Variants in POU6F2 observed in about 807,000 individuals in gnomAD.
POU6F2 encodes POU domain, class 6, transcription factor 2.
POU6F2 carries 31 observed loss-of-function variants against 71.3 expected under a neutral mutation model. That is an observed-to-expected ratio of 0.43 (90% CI 0.33 to 0.59). The LOEUF (loss-of-function observed/expected upper bound fraction) is 0.59, where lower values mean the gene tolerates loss of function less well. POU6F2 is among the 20% of genes least tolerant of loss of function. The probability of loss-of-function intolerance (pLI) is 0.04; values close to 1 mark genes in which losing one functional copy is unlikely to be tolerated. For missense variants in POU6F2, 783 were observed against 856.8 expected, an observed-to-expected ratio of 0.91 and a Z score of 1.07; for synonymous variants, 347 against 355.7, an observed-to-expected ratio of 0.98 and a Z score of 0.27.
chr7:39,432,648 C>G (rs1008280776), intron 6 of POU6F2, among the ~76,000 whole-genome samples: 2 of 151,848 alleles, frequency 1.3e-5, no homozygotes, highest in Non-Finnish European at 2.9e-5. Flanking sequence ...GAAAGAATGT[C>G]AAAGGATCCC....
intron 7 of POU6F2, among the ~76,000 whole-genome samples, chr7:39,443,240 T>G (rs1788446859): frequency 6.6e-6 from 1 of 152,208 alleles, no homozygotes; most frequent in Non-Finnish European, 1.5e-5. Context: ...TTCTTGGGGA[T>G]GTACCTTGCA....
At chr7:39,159,144 C>G (rs1792934590) in intron 2 of POU6F2, among the ~76,000 whole-genome samples, 1 of 152,028 alleles carries the variant, frequency 6.6e-6, no homozygotes, top group African/African-American at 2.4e-5. Flanking sequence ...TGCCACTTCA[C>G]TCCAGCCTAG....
intron 2 of POU6F2, among the ~76,000 whole-genome samples, chr7:39,180,771 G>A (rs1366641485): frequency 6.6e-6 from 1 of 152,052 alleles, no homozygotes; most frequent in African/African-American, 2.4e-5. Flanking sequence ...TTTTTGCACT[G>A]GGCCCCATTA....
chr7:39,196,044 G>A (rs1471142764), intron 2 of POU6F2, among the ~76,000 whole-genome samples: 4 of 152,108 alleles, frequency 2.6e-5, no homozygotes, highest in Admixed American at 1.3e-4. Flanking sequence ...TTTACTATAG[G>A]TAGGTAAACT....
intron 7 of POU6F2, among the ~76,000 whole-genome samples, chr7:39,450,891 G>A (rs1051764563): frequency 6.6e-6 from 1 of 152,090 alleles, no homozygotes; most frequent in Admixed American, 6.6e-5. Context: ...TACAGTGGCC[G>A]GCCCAGAGTA....
At chr7:39,349,499 T>C (rs1323975030) in intron 5 of POU6F2, among the ~76,000 whole-genome samples, 6 of 152,196 alleles carry the variant, frequency 3.9e-5, no homozygotes, top group Non-Finnish European at 8.8e-5. Context: ...ACCCTCCTCA[T>C]CTTTTGACTG....
chr7:38,979,969 T>C (rs779831078), intron 1 of POU6F2, among the ~76,000 whole-genome samples: 1 of 152,130 alleles, frequency 6.6e-6, no homozygotes, highest in Non-Finnish European at 1.5e-5. Context: ...GGTATATACT[T>C]AAAAAAATGA....
At chr7:39,456,592 T>C (rs1245771944) in intron 8 of POU6F2, among the ~76,000 whole-genome samples, 1 of 152,182 alleles carries the variant, frequency 6.6e-6, no homozygotes, top group Non-Finnish European at 1.5e-5. Flanking sequence ...GTAAAGCTAA[T>C]GTTTATCTAG....
intron 2 of POU6F2, among the ~76,000 whole-genome samples, chr7:39,191,050 C>T (rs950371778): frequency 1.3e-5 from 2 of 152,148 alleles, no homozygotes; most frequent in African/African-American, 4.8e-5. Context: ...CCAGTTTGTT[C>T]GACTTCCTAT....
chr7:39,428,471 T>A (rs1013938412), intron 6 of POU6F2, among the ~76,000 whole-genome samples: 2 of 152,226 alleles, frequency 1.3e-5, no homozygotes, highest in Non-Finnish European at 2.9e-5. Context: ...ACATAGAGGA[T>A]CATTGCAAAC....
chr7:39,323,287 A>G (rs2128769530), intron 4 of POU6F2, among the ~76,000 whole-genome samples: 1 of 152,332 alleles, frequency 6.6e-6, no homozygotes, highest in Middle Eastern at 3.4e-3. Context: ...GCAAGAGGAC[A>G]GCTGCACTCA....
At chr7:39,062,687 T>C (rs1790681230) in intron 1 of POU6F2, among the ~76,000 whole-genome samples, 1 of 147,630 alleles carries the variant, frequency 6.8e-6, no homozygotes, top group African/African-American at 2.5e-5. Flanking sequence ...CCTTAAAAGA[T>C]ATATAATCAT....
At chr7:39,216,441 C>T (rs976367705) in intron 4 of POU6F2, among the ~76,000 whole-genome samples, 2 of 151,906 alleles carry the variant, frequency 1.3e-5, no homozygotes, top group Non-Finnish European at 2.9e-5. Flanking sequence ...TTAGGGCATA[C>T]GAAAGAATGA....
intron 2 of POU6F2, among the ~76,000 whole-genome samples, chr7:39,163,251 T>C (rs1793036314): frequency 6.6e-6 from 1 of 152,260 alleles, no homozygotes; most frequent in Admixed American, 6.5e-5. Context: ...CCATTAGTAT[T>C]GACTCAGAAA....
rs572757949 is a variant in POU6F2, at chr7:39,132,332, G to T, written c.277+46301G>T. 4.6e-5 allele frequency: 7 copies of T among 152,204 alleles called. No homozygotes were observed. The East Asian group carries it at 1.4e-3, about 29-fold the overall frequency. The allele number at this position is 152,204 out of a possible 1,614,324, so 9.4% of individuals were successfully genotyped here. ...CACTGAATTTTTTTTCAGTTGCTTA[G>T]TTCTCATACCTTCTAATTTTTTATC... On this transcript the variant is annotated intron_variant, in intron 2 of 9. Transcript: ENST00000518318.
chr7:39,351,006 G>GT (rs2115669425), intron 5 of POU6F2, among the ~76,000 whole-genome samples: 1 of 152,336 alleles, frequency 6.6e-6, no homozygotes, highest in South Asian at 2.1e-4. Context: ...TTGTTTGTTT[G>GT]TTGTTTGAAG....
chr7:39,109,745 A>T lies in POU6F2; in HGVS notation c.277+23714A>T, dbSNP rs1435865203. On this transcript the variant is annotated intron_variant, in intron 2 of 9. Coordinates refer to ENST00000518318, the MANE Select transcript of POU6F2 (RefSeq NM_001370959.1). ...GTAAATCGTATAGGTAGCATTACTG[A>T]TGAAGTTATATTGGCTTTAAATTTA... 3.3e-5 allele frequency among the ~76,000 whole-genome samples: 5 copies of T among 152,326 alleles called. No individual in the cohort carries two copies. In the East Asian group the frequency reaches 7.7e-4, roughly 23 times the overall value.
chr7:39,167,800 A>G (rs1379486672), intron 2 of POU6F2, among the ~76,000 whole-genome samples: 1 of 151,738 alleles, frequency 6.6e-6, no homozygotes, highest in African/African-American at 2.4e-5. Context: ...ATATAGATAT[A>G]TTTTATACCA....
intron 4 of POU6F2, among the ~76,000 whole-genome samples, chr7:39,296,467 C>T (rs113262739): frequency 0.015 from 2,294 of 152,310 alleles, 23 homozygotes; most frequent in Middle Eastern, 0.027. Flanking sequence ...CTGTTTTCCA[C>T]GCTGCAACCA....
Sources: gnomAD v4.1 joint callset for allele counts (sites outside exome capture counted in the v4.1 genomes callset) on GRCh38, gnomAD v4.1.1 for gene constraint, MANE v1.5 for transcripts, NCBI Gene and HGNC (gene_info 2026-07-23, HGNC 2026-07-21) for gene names.